Variants in NMNAT2 observed in about 807,000 individuals in gnomAD.
NMNAT2 encodes nicotinamide nucleotide adenylyltransferase 2.
NMNAT2 carries 11 observed loss-of-function variants against 41.6 expected under a neutral mutation model. That is an observed-to-expected ratio of 0.26 (90% confidence interval 0.17 to 0.44). NMNAT2 has a LOEUF of 0.44. NMNAT2 is among the 20% of genes least tolerant of loss of function. NMNAT2 has a pLI of 1.00. For synonymous variants in NMNAT2, 148 were observed against 151.2 expected (o/e 0.98, Z 0.16); for missense variants, 288 against 407.7 (o/e 0.71, Z 2.53).
intron 1 of NMNAT2, among the ~76,000 whole-genome samples, chr1:183,376,602 C>T (rs1663684533): frequency 6.6e-6 from 1 of 152,156 alleles, no homozygotes; most frequent in African/African-American, 2.4e-5. Flanking sequence ...GGTTTGGAAA[C>T]TAAAAAGTTG....
chr1:183,329,416 TA>T (rs1662534280), intron 1 of NMNAT2, among the ~76,000 whole-genome samples: 1 of 152,220 alleles, frequency 6.6e-6, no homozygotes, highest in Non-Finnish European at 1.5e-5. Flanking sequence ...TTTAACCCAT[TA>T]AAGTGTACAT....
chr1:183,379,432 C>T (rs1663755309), intron 1 of NMNAT2, among the ~76,000 whole-genome samples: 1 of 152,072 alleles, frequency 6.6e-6, no homozygotes, highest in African/African-American at 2.4e-5. Flanking sequence ...CCTCCCACCT[C>T]AGCCTCCCAA....
At chr1:183,398,728 A>G (rs900667916) in intron 1 of NMNAT2, among the ~76,000 whole-genome samples, 3 of 152,224 alleles carry the variant, frequency 2.0e-5, no homozygotes, top group Admixed American at 6.5e-5. Context: ...ACCACAGTGC[A>G]ATCAAACTAG....
intron 1 of NMNAT2, among the ~76,000 whole-genome samples, chr1:183,406,885 C>A (rs1227177384): frequency 7.2e-6 from 1 of 138,538 alleles, no homozygotes; most frequent in Non-Finnish European, 1.5e-5. Context: ...GTGGCGAGAT[C>A]TCAGCTCACT....
At chr1:183,284,655 G>A (rs1047484767) in intron 6 of NMNAT2, 55 bp downstream of exon 6, 2 of 1,411,942 alleles carry the variant, frequency 1.4e-6, no homozygotes, top group Non-Finnish European at 2.0e-6. Flanking sequence ...AAGGAATGAA[G>A]GGAGGAGAGA....
At chr1:183,278,448 C>T (rs1381213723) in intron 8 of NMNAT2, 105 bp downstream of exon 8, 2 of 730,156 alleles carry the variant, frequency 2.7e-6, no homozygotes, top group Non-Finnish European at 4.9e-6. Context: ...ACGGACTGCC[C>T]TCTTAGAAGC....
chr1:183,352,333 G>T (rs978713798), intron 1 of NMNAT2, among the ~76,000 whole-genome samples: 1 of 152,130 alleles, frequency 6.6e-6, no homozygotes, highest in Non-Finnish European at 1.5e-5. Context: ...GGAGGCTAAG[G>T]TGGGTGGATC....
intron 1 of NMNAT2, among the ~76,000 whole-genome samples, chr1:183,367,638 G>A (rs931505108): frequency 1.3e-5 from 2 of 152,122 alleles, no homozygotes; most frequent in African/African-American, 4.8e-5. Context: ...GTAGTCGAGG[G>A]CAACAGATTT....
chr1:183,302,178 T>G (rs1219824503), intron 1 of NMNAT2, among the ~76,000 whole-genome samples: 2 of 152,180 alleles, frequency 1.3e-5, no homozygotes, highest in Non-Finnish European at 2.9e-5. Context: ...TAATAAGTGC[T>G]TATTATGTTG....
chr1:183,296,845 T>C lies in NMNAT2; in HGVS notation c.86-3052A>G, dbSNP rs533408456. On this transcript the variant is annotated intron_variant, in intron 1 of 10. Transcript: ENST00000287713. ...TTGCTTTTTAAAAGAGTTGTAGTAC[T>C]TCACTTGTTTTCAGATCTTATTCTG... Among the ~76,000 whole-genome samples the C allele has an allele frequency of 2.0e-4, 31 of 152,226 alleles. No individual in the cohort carries two copies. The South Asian group carries it at 6.5e-3, about 32-fold the overall frequency.
chr1:183,408,094 T>C (rs1482276074), intron 1 of NMNAT2, among the ~76,000 whole-genome samples: 1 of 152,250 alleles, frequency 6.6e-6, no homozygotes, highest in Non-Finnish European at 1.5e-5. Flanking sequence ...AAATTGTTCG[T>C]TAAACAGTTT....
chr1:183,323,806 C>G (rs1002524052), intron 1 of NMNAT2, among the ~76,000 whole-genome samples: 2 of 152,196 alleles, frequency 1.3e-5, no homozygotes, highest in Non-Finnish European at 2.9e-5. Flanking sequence ...ACCTCTCCCC[C>G]CACAGGAGAC....
chr1:183,363,127 G>C (rs927444898), intron 1 of NMNAT2, among the ~76,000 whole-genome samples: 3 of 152,166 alleles, frequency 2.0e-5, no homozygotes, highest in Admixed American at 2.0e-4. Flanking sequence ...CCCTAGCTCA[G>C]TTTTTAATTG....
At chr1:183,304,878 CT>C in intron 1 of NMNAT2, 1 of 1,513,652 alleles carries the variant, frequency 6.6e-7, no homozygotes, top group Middle Eastern at 1.8e-4. Flanking sequence ...ATTTGAATCC[CT>C]TTGTCCTTAC....
intron 1 of NMNAT2, among the ~76,000 whole-genome samples, chr1:183,334,027 T>C (rs1344737425): frequency 6.6e-6 from 1 of 152,214 alleles, no homozygotes; most frequent in East Asian, 1.9e-4. Context: ...TAAAGACAAG[T>C]GCAGAGGCTT....
At chr1:183,266,527 G>C (rs956316347) in intron 8 of NMNAT2, 1 of 152,988 alleles carries the variant, frequency 6.5e-6, no homozygotes, top group African/African-American at 2.4e-5. Context: ...CTTTACAAAA[G>C]GTGGCAAAAA....
At chr1:183,272,580 A>T (rs773230925) in intron 8 of NMNAT2, among the ~76,000 whole-genome samples, 1 of 152,098 alleles carries the variant, frequency 6.6e-6, no homozygotes, top group African/African-American at 2.4e-5. Flanking sequence ...TGGGGTGGGG[A>T]TGGGGTCATC....
intron 1 of NMNAT2, among the ~76,000 whole-genome samples, chr1:183,295,192 C>T (rs181638298): frequency 2.0e-5 from 3 of 152,138 alleles, no homozygotes; most frequent in African/African-American, 4.8e-5. Context: ...TTAGTAGAGA[C>T]GGGTTCCACG....
chr1:183,351,220 G>A (rs996334030), intron 1 of NMNAT2, among the ~76,000 whole-genome samples: 1 of 152,234 alleles, frequency 6.6e-6, no homozygotes, highest in Non-Finnish European at 1.5e-5. Flanking sequence ...GAGGCCCAAA[G>A]GCATGATAGG....
Sources: allele counts gnomAD v4.1 joint callset (sites outside exome capture counted in the v4.1 genomes callset), GRCh38; gene constraint gnomAD v4.1.1; transcripts MANE v1.5; gene names NCBI Gene and HGNC (gene_info 2026-07-23, HGNC 2026-07-21).